IL17RA: variants seen among roughly 807,000 people sequenced by gnomAD.
IL17RA encodes interleukin-17 receptor A.
A neutral mutation model predicts 50.4 loss-of-function variants in IL17RA; 34 were observed. That is an observed-to-expected ratio of 0.67 (90% CI 0.51 to 0.90). The LOEUF is 0.90. Ranked by LOEUF, IL17RA falls within the 40% of genes least tolerant of loss-of-function variation. The probability of loss-of-function intolerance (pLI) is 0.00; values close to 1 mark genes in which losing one functional copy is unlikely to be tolerated. For synonymous variants in IL17RA, 585 were observed against 510.4 expected (o/e 1.15, Z -1.97); for missense variants, 1,276 against 1,169.8 (o/e 1.09, Z -1.32).
At chr22:17,090,211 T>C (rs922256243) in intron 1 of IL17RA, among the ~76,000 whole-genome samples, 20 of 152,082 alleles carry the variant, frequency 1.3e-4, no homozygotes, top group African/African-American at 4.3e-4. Context: ...TTAGTAGAGA[T>C]GGGGTTTCAC....
At chr22:17,085,461 C>G (rs1295799854) in intron 1 of IL17RA, among the ~76,000 whole-genome samples, 1 of 151,926 alleles carries the variant, frequency 6.6e-6, no homozygotes, top group East Asian at 1.9e-4. Flanking sequence ...GCACATCGCG[C>G]GGCGCGTGTT....
rs1601353317 is a variant in IL17RA at position 17,112,751 on chromosome 22, T to C, written c.*2931T>C. On this transcript the variant is annotated 3_prime_UTR_variant, in exon 13 of 13. Coordinates refer to ENST00000319363, the MANE Select transcript of IL17RA (RefSeq NM_014339.7). ...TTTATTTTTGTATTATTCTGAACCATGGCTAATAAATTGTTTCACCAAGAA... is the reference window on the plus strand; with the variant it reads ...TTTATTTTTGTATTATTCTGAACCACGGCTAATAAATTGTTTCACCAAGAA... 6.6e-6 allele frequency: 1 copy of C among 152,182 alleles called. No individual in the cohort carries two copies. Among genetic ancestry groups the C allele is most frequent in the East Asian group, 1.9e-4 (1 of 5,198 alleles). 9.4% of individuals were successfully genotyped at this position (152,182 alleles called of 1,614,324 possible).
chr22:17,102,428 C>T, intron 7 of IL17RA, 126 bp downstream of exon 7: 1 of 1,015,356 alleles, frequency 9.8e-7, no homozygotes, highest in Non-Finnish European at 1.5e-6. Context: ...TGTGCTTAGT[C>T]CATAGTGATC....
At chr22:17,098,991 G>T in intron 4 of IL17RA, 104 bp downstream of exon 4, 1 of 916,204 alleles carries the variant, frequency 1.1e-6, no homozygotes, top group Non-Finnish European at 1.8e-6. Context: ...AGACCCAGAG[G>T]TGCTGAGGGA....
chr22:17,093,434 A>G (rs752573390), intron 1 of IL17RA, among the ~76,000 whole-genome samples: 4 of 152,198 alleles, frequency 2.6e-5, no homozygotes, highest in Admixed American at 1.3e-4. Flanking sequence ...CCTGAACGTT[A>G]TAAGGTTCTG....
chr22:17,100,555 C>T (rs1400834096), intron 5 of IL17RA, 74 bp downstream of exon 5: 44 of 1,570,772 alleles, frequency 2.8e-5, no homozygotes, highest in Non-Finnish European at 3.7e-5. Flanking sequence ...GCACAGATGC[C>T]AGCCCCCCTG....
rs552425210 is a variant in IL17RA, at chr22:17,108,452, C to T, written c.1233C>T (p.Ala411=). 5.0e-5 allele frequency: 81 copies of T among 1,613,760 alleles called. No homozygotes were observed. In the South Asian group the frequency reaches 8.8e-4, roughly 17 times the overall value. The part of the protein sequence containing the change: ...FLLTACGTEV[A]LDLLEEQAIS... ...TCACCGCCTGCGGCACGGAAGTGGC[C>T]CTGGACCTGCTGGAAGAGCAGGCCA... The change falls in exon 13 of 13, where the codon GCC becomes GCT. Residue 411 remains alanine, a synonymous_variant. Transcript: ENST00000319363.
In IL17RA at chr22:17,109,560, C is replaced by A. The variant is rs748827958; in HGVS notation, c.2341C>A (p.Pro781Thr). Reference protein sequence around the residue: ...PAMVLTDPHTPYEEEQRQSVQ... With the variant: ...PAMVLTDPHTTYEEEQRQSVQ... ...CATGGTCCTCACAGACCCACACACG[C>A]CCTACGAGGAGGAGCAGCGGCAGTC... The change falls in exon 13 of 13, where the codon CCC becomes ACC. Residue 781 changes from proline to threonine, a missense_variant. By Grantham distance (38) the Pro-to-Thr change is conservative (BLOSUM62 -1). Coordinates refer to ENST00000319363, the MANE Select transcript of IL17RA (RefSeq NM_014339.7). 1 of 1,599,914 alleles carries A rather than the reference C, an allele frequency of 6.3e-7. No homozygotes were observed. Among genetic ancestry groups the A allele is most frequent in the African/African-American group, 1.3e-5 (1 of 74,678 alleles).
Position 17,109,795 on chromosome 22 carries a change from C to A in IL17RA, c.2576C>A (p.Ser859Ter). 6.5e-7 allele frequency: 1 copy of A among 1,550,160 alleles called. No homozygotes were observed. The highest frequency in any genetic ancestry group is 1.2e-5 in the South Asian group (1 of 84,102). The change falls in exon 13 of 13, where the codon TCA becomes TAA. Residue 859 changes from serine (S) to a stop codon, truncating the protein, a stop_gained. Coordinates refer to ENST00000319363, the MANE Select transcript of IL17RA (RefSeq NM_014339.7). LOFTEE classifies it high-confidence loss of function. ...AACTCGGGCTGGGACACGATGGGGT[C>A]AGAGTCAGAGGGGCCCAGTGCATGA... ...QKNSGWDTMGSESEGPSA is the reference protein window; with the variant it reads ...QKNSGWDTMG
chr22:17,096,983 G>C lies in IL17RA; in HGVS notation c.139-79G>C. The C allele has an allele frequency of 3.1e-6, 4 of 1,287,186 alleles. No individual in the cohort carries two copies. The South Asian group carries it at 4.7e-5, about 15-fold the overall frequency. The allele number at this position is 1,287,186 out of a possible 1,614,324, so 79.7% of individuals were successfully genotyped here. ...GTGTAGATGGCATTCCTGAGAATGAGCCAGTGGAGAGCATCTGGCCCTGGC... is the reference window on the plus strand; with the variant it reads ...GTGTAGATGGCATTCCTGAGAATGACCCAGTGGAGAGCATCTGGCCCTGGC... On this transcript the variant is annotated intron_variant, in intron 1 of 12. Coordinates refer to ENST00000319363, the MANE Select transcript of IL17RA (RefSeq NM_014339.7).
At chr22:17,086,166 T>C (rs1465497566) in intron 1 of IL17RA, among the ~76,000 whole-genome samples, 1 of 152,042 alleles carries the variant, frequency 6.6e-6, no homozygotes, top group East Asian at 1.9e-4. Flanking sequence ...CAAAACGCCG[T>C]GCCCCTCCAC....
At chr22:17,088,463 C>G (rs41426844) in intron 1 of IL17RA, among the ~76,000 whole-genome samples, 1,768 of 151,506 alleles carry the variant, frequency 0.012, 36 homozygotes, top group African/African-American at 0.041. Context: ...GGATTACAGG[C>G]GCCCACCACT....
At chr22:17,101,273 G>A (rs1390260822) in intron 5 of IL17RA, among the ~76,000 whole-genome samples, 4 of 152,138 alleles carry the variant, frequency 2.6e-5, no homozygotes, top group Admixed American at 1.3e-4. Flanking sequence ...AGAACCTCAC[G>A]AATTGCCTTG....
chr22:17,111,546 C>T lies in IL17RA; in HGVS notation c.*1726C>T, dbSNP rs2061442749. The T allele has an allele frequency of 1.3e-5, 2 of 152,178 alleles. No individual in the cohort carries two copies. Among genetic ancestry groups the T allele is most frequent in the South Asian group, 4.1e-4 (2 of 4,822 alleles). The allele number at this position is 152,178 out of a possible 1,614,324, so 9.4% of individuals were successfully genotyped here. A position where few individuals can be genotyped will look rare whatever the true frequency, so the allele number is the denominator to read the frequency against. On this transcript the variant is annotated 3_prime_UTR_variant, in exon 13 of 13. Coordinates refer to ENST00000319363, the MANE Select transcript of IL17RA (RefSeq NM_014339.7). ...TTTGAAGAATTTGTTCCTGAAGTAC[C>T]TCCTGGGGGTAGGCTAGAGGCTTCT...
intron 6 of IL17RA, 40 bp downstream of exon 6, chr22:17,102,083 A>G (rs1159699657): frequency 1.2e-6 from 2 of 1,611,972 alleles, no homozygotes; most frequent in African/African-American, 2.7e-5. Context: ...GGATGCATAC[A>G]CATGCACATG....
At chr22:17,090,534 C>A (rs1601336226) in intron 1 of IL17RA, among the ~76,000 whole-genome samples, 1 of 152,152 alleles carries the variant, frequency 6.6e-6, no homozygotes, top group East Asian at 1.9e-4. Context: ...CCTGCGCCAC[C>A]CCTAAACCTG....
In IL17RA at chr22:17,095,593, C is replaced by T. The variant is rs117571080; in HGVS notation, c.139-1469C>T. Reference sequence around the variant, plus strand: ...GTTCCCCATCTCAAGGTGAAATAACCGCTTTTTTTTTATCCTCCACATCCT... The same window carrying T: ...GTTCCCCATCTCAAGGTGAAATAACTGCTTTTTTTTTATCCTCCACATCCT... On this transcript the variant is annotated intron_variant, in intron 1 of 12. Coordinates refer to ENST00000319363, the MANE Select transcript of IL17RA (RefSeq NM_014339.7). Among the ~76,000 whole-genome samples the T allele has an allele frequency of 1.6e-3, 245 of 152,210 alleles. 4 individuals are homozygous for T. The East Asian group carries it at 0.041, about 25-fold the overall frequency.
rs1337699105 is a variant in IL17RA, at chr22:17,111,923, G to A, written c.*2103G>A. The stretch of plus-strand genomic sequence containing the variant: ...CCACCAAAGCTCTGTGTCCCAGATG[G>A]TGTATGGCCCATAATCCACCCAACA... On this transcript the variant is annotated 3_prime_UTR_variant, in exon 13 of 13. Coordinates refer to ENST00000319363, the MANE Select transcript of IL17RA (RefSeq NM_014339.7). 4 of 152,174 alleles carry A rather than the reference G, an allele frequency of 2.6e-5. No homozygotes were observed. The highest frequency in any genetic ancestry group is 4.4e-5 in the Non-Finnish European group (3 of 68,000). The allele number at this position is 152,174 out of a possible 1,614,324, so 9.4% of individuals were successfully genotyped here.
rs752109820 is a variant in IL17RA, at chr22:17,102,071, T to C, written c.598+28T>C. ...AACAGCTGGCCCGGGAGAGCTTTATTTGGATGCATACACATGCACATGTGC... is the reference window on the plus strand; with the variant it reads ...AACAGCTGGCCCGGGAGAGCTTTATCTGGATGCATACACATGCACATGTGC... On this transcript the variant is annotated intron_variant, in intron 6 of 12. Coordinates refer to ENST00000319363, the MANE Select transcript of IL17RA (RefSeq NM_014339.7). 12 of 1,614,042 alleles carry C rather than the reference T, an allele frequency of 7.4e-6. No homozygotes were observed. The East Asian group carries it at 2.7e-4, about 36-fold the overall frequency.
Sources: gnomAD v4.1 joint callset for allele counts (sites outside exome capture counted in the v4.1 genomes callset) on GRCh38, gnomAD v4.1.1 for gene constraint, MANE v1.5 for transcripts, NCBI Gene and HGNC (gene_info 2026-07-23, HGNC 2026-07-21) for gene names.